Variants in PDE1C observed in about 807,000 individuals in gnomAD.
PDE1C encodes phosphodiesterase 1C, also known as dual specificity calcium/calmodulin-dependent 3',5'-cyclic nucleotide phosphodiesterase 1C.
A neutral mutation model predicts 93.1 loss-of-function variants in PDE1C; 62 were observed. The ratio of observed to expected loss-of-function variants is 0.67; its 90% CI spans 0.54 to 0.82. The LOEUF is 0.82. Among genes scored for constraint, PDE1C ranks in the 40% least tolerant of loss-of-function variants. The probability of loss-of-function intolerance (pLI) is 0.00; values close to 1 mark genes in which losing one functional copy is unlikely to be tolerated. For synonymous variants in PDE1C, 325 were observed against 310.1 expected (o/e 1.05, Z -0.50); for missense variants, 742 against 884.6 (o/e 0.84, Z 2.04).
At chr7:31,859,354 CCATA>C (rs1794405884) in intron 7 of PDE1C, among the ~76,000 whole-genome samples, 1 of 148,586 alleles carries the variant, frequency 6.7e-6, no homozygotes, top group South Asian at 2.1e-4. Context: ...AGGACATTGG[CCATA>C]TATATAGCCA....
intron 3 of PDE1C, among the ~76,000 whole-genome samples, chr7:32,167,319 C>T (rs1487300810): frequency 6.6e-6 from 1 of 151,972 alleles, no homozygotes; most frequent in Non-Finnish European, 1.5e-5. Context: ...AAAAGATTTC[C>T]GGGAAAAGTG....
At chr7:32,040,396 G>T (rs1791655480) in intron 2 of PDE1C, among the ~76,000 whole-genome samples, 1 of 152,148 alleles carries the variant, frequency 6.6e-6, no homozygotes, top group Non-Finnish European at 1.5e-5. Flanking sequence ...CTATTTAGCA[G>T]TATCCATGGT....
At chr7:32,297,675 T>A (rs957453310) in intron 1 of PDE1C, among the ~76,000 whole-genome samples, 1 of 152,010 alleles carries the variant, frequency 6.6e-6, no homozygotes, top group East Asian at 1.9e-4. Context: ...CAAAACCCCC[T>A]CTGGTCCCCC....
chr7:32,317,329 C>T (rs1783195916), intron 1 of PDE1C, among the ~76,000 whole-genome samples: 1 of 152,130 alleles, frequency 6.6e-6, no homozygotes, highest in African/African-American at 2.4e-5. Flanking sequence ...TTAGGCCTCA[C>T]AGCAACTCCC....
At chr7:32,214,297 C>G (rs904972436) in intron 1 of PDE1C, among the ~76,000 whole-genome samples, 2 of 152,152 alleles carry the variant, frequency 1.3e-5, no homozygotes, top group African/African-American at 4.8e-5. Flanking sequence ...CCTGCCATCT[C>G]TAGTCCAAGA....
intron 3 of PDE1C, among the ~76,000 whole-genome samples, chr7:32,116,601 C>G (rs1305590811): frequency 6.6e-6 from 1 of 152,130 alleles, no homozygotes. Context: ...CTGTATTTTC[C>G]TCTCCTGATT....
At chr7:31,952,949 GCATCCATCTAGAAA>G (rs1436515558) in intron 2 of PDE1C, among the ~76,000 whole-genome samples, 3 of 151,730 alleles carry the variant, frequency 2.0e-5, no homozygotes, top group African/African-American at 7.3e-5. Context: ...TTTTCTACAT[GCATCCATCTAGAAA>G]CATGGATGAG....
At chr7:32,044,955 C>G (rs950629839) in intron 2 of PDE1C, among the ~76,000 whole-genome samples, 1 of 152,098 alleles carries the variant, frequency 6.6e-6, no homozygotes, top group African/African-American at 2.4e-5. Flanking sequence ...AGCTATTATA[C>G]TTACTACATC....
intron 2 of PDE1C, among the ~76,000 whole-genome samples, chr7:31,902,992 T>C (rs1028233503): frequency 2.6e-5 from 4 of 151,824 alleles, no homozygotes; most frequent in African/African-American, 9.7e-5. Context: ...TTTTGTTTTC[T>C]GTTACATATC....
chr7:32,267,422 G>C (rs1219609281), intron 1 of PDE1C, among the ~76,000 whole-genome samples: 1 of 152,140 alleles, frequency 6.6e-6, no homozygotes, highest in Non-Finnish European at 1.5e-5. Flanking sequence ...AAAAGAGGGG[G>C]CACGTCCACG....
the PDE1C span, among the ~76,000 whole-genome samples, chr7:31,729,864 A>G: frequency 6.6e-6 from 1 of 152,192 alleles, no homozygotes; most frequent in Non-Finnish European, 1.5e-5. Context: ...CCTTCTGTAG[A>G]CAAAGCATGA....
intron 1 of PDE1C, among the ~76,000 whole-genome samples, chr7:32,227,196 G>T (rs1454016328): frequency 1.3e-5 from 2 of 152,090 alleles, no homozygotes; most frequent in Non-Finnish European, 2.9e-5. Context: ...CTCACAGTTT[G>T]GGGAGAAGTT....
chr7:32,083,919 G>A (rs1055150889), intron 3 of PDE1C, among the ~76,000 whole-genome samples: 5 of 151,244 alleles, frequency 3.3e-5, no homozygotes, highest in East Asian at 1.9e-4. Context: ...AAAGACCATC[G>A]AGACTAGGAA....
intron 15 of PDE1C, among the ~76,000 whole-genome samples, chr7:31,813,286 G>A (rs1787774442): frequency 6.6e-6 from 1 of 152,090 alleles, no homozygotes; most frequent in Non-Finnish European, 1.5e-5. Context: ...CCACATCCCA[G>A]ACTGCTTTGA....
At chr7:32,421,743 C>G (rs1298422726) in intron 1 of PDE1C, among the ~76,000 whole-genome samples, 1 of 152,168 alleles carries the variant, frequency 6.6e-6, no homozygotes, top group Non-Finnish European at 1.5e-5. Flanking sequence ...TAAAAGGGAA[C>G]AGTAAAGCCA....
intron 3 of PDE1C, among the ~76,000 whole-genome samples, chr7:32,151,895 G>GT (rs890070454): frequency 1.1e-4 from 16 of 152,280 alleles, no homozygotes; most frequent in South Asian, 4.1e-4. Context: ...AACATGTACA[G>GT]TTTTTTCTAC....
chr7:32,366,825 C>T (rs569187186), intron 1 of PDE1C, among the ~76,000 whole-genome samples: 1 of 151,424 alleles, frequency 6.6e-6, no homozygotes, highest in African/African-American at 2.4e-5. Context: ...GAGATCGAGA[C>T]CATCCTGCCT....
chr7:31,825,482 G>A (rs751239033), intron 12 of PDE1C, among the ~76,000 whole-genome samples: 4 of 152,122 alleles, frequency 2.6e-5, no homozygotes, highest in African/African-American at 4.8e-5. Flanking sequence ...GCAGGTTATC[G>A]ACAGCTCTAG....
At chr7:32,400,536 A>C (rs1161867461) in intron 1 of PDE1C, among the ~76,000 whole-genome samples, 1 of 152,234 alleles carries the variant, frequency 6.6e-6, no homozygotes, top group Non-Finnish European at 1.5e-5. Flanking sequence ...TCCAGCAGTG[A>C]GGAAACCAGT....
Sources: gnomAD v4.1 joint callset for allele counts (sites outside exome capture counted in the v4.1 genomes callset) on GRCh38, gnomAD v4.1.1 for gene constraint, MANE v1.5 for transcripts, NCBI Gene and HGNC (gene_info 2026-07-23, HGNC 2026-07-21) for gene names.